The following ATRNL1 variants were observed in gnomAD, a reference collection of about 807,000 sequenced individuals.
ATRNL1 encodes attractin like 1.
ATRNL1 carries 95 observed loss-of-function variants against 182.7 expected under a neutral mutation model. That is an observed-to-expected ratio of 0.52 (90% CI 0.44 to 0.62). ATRNL1 has a LOEUF of 0.62. Among genes scored for constraint, ATRNL1 ranks in the 20% least tolerant of loss-of-function variants. The pLI is 0.00. For missense variants in ATRNL1, 1,471 were observed against 1,679.5 expected, an observed-to-expected ratio of 0.88 and a Z score of 2.17; for synonymous variants, 576 against 568.3, an observed-to-expected ratio of 1.01 and a Z score of -0.19.
At chr10:115,201,405 G>A (rs1352381880) in intron 8 of ATRNL1, among the ~76,000 whole-genome samples, 5 of 152,072 alleles carry the variant, frequency 3.3e-5, no homozygotes, top group Non-Finnish European at 7.4e-5. Context: ...ATTAATTTTT[G>A]TATAAGGTGT....
At chr10:115,275,513 C>T (rs782088474) in intron 13 of ATRNL1, among the ~76,000 whole-genome samples, 44 of 152,300 alleles carry the variant, frequency 2.9e-4, no homozygotes, top group Admixed American at 1.5e-3. Context: ...ATTCCAATTG[C>T]TGCTTTAACT....
chr10:115,606,113 T>C (rs782403546), intron 26 of ATRNL1, among the ~76,000 whole-genome samples: 1 of 152,010 alleles, frequency 6.6e-6, no homozygotes, highest in Non-Finnish European at 1.5e-5. Context: ...TAAACTGAAA[T>C]GTATTAGGGA....
intron 27 of ATRNL1, among the ~76,000 whole-genome samples, chr10:115,759,708 C>T (rs1555073048): frequency 6.6e-6 from 1 of 150,776 alleles, no homozygotes; most frequent in East Asian, 1.9e-4. Flanking sequence ...TGGAATCTCT[C>T]CCTGTCGCCC....
rs782157017 is a variant in ATRNL1 at position 115,442,303 on chromosome 10, C to CTCTCTCTCTCTCTCTCTCTCTCTGTG, written c.3322+16002_3322+16003insCTCTCTCTCTCTCTCTCTCTCTGTGT. Among the ~76,000 whole-genome samples, 743 of 123,628 alleles carry CTCTCTCTCTCTCTCTCTCTCTCTGTG rather than the reference C, an allele frequency of 6.0e-3. 21 individuals carry two copies. Among genetic ancestry groups the CTCTCTCTCTCTCTCTCTCTCTCTGTG allele is most frequent in the Non-Finnish European group, 8.7e-3 (502 of 57,840 alleles). 81.1% of individuals were successfully genotyped at this position (123,628 alleles called of 152,430 possible). On this transcript the variant is annotated intron_variant, in intron 21 of 28. Coordinates refer to ENST00000355044, the MANE Select transcript of ATRNL1 (RefSeq NM_207303.4). ...TCTCTCTCTCTCTCTCTCTCTCTCT[C>CTCTCTCTCTCTCTCTCTCTCTCTGTG]TGTGTGTATGTGTGTGTGTAAACAA...
At chr10:115,489,418 G>A (rs1565096709) in intron 24 of ATRNL1, among the ~76,000 whole-genome samples, 2 of 152,112 alleles carry the variant, frequency 1.3e-5, no homozygotes, top group Admixed American at 1.3e-4. Flanking sequence ...CCTGTATTGG[G>A]TGCATATATA....
Position 115,179,357 on chromosome 10 carries a change from T to C in ATRNL1, c.1348+8065T>C, listed in dbSNP as rs143871872. 7.1e-3 allele frequency among the ~76,000 whole-genome samples: 1,076 copies of C among 152,228 alleles called. 15 individuals carry two copies. Among genetic ancestry groups the C allele is most frequent in the African/African-American group, 0.025 (1,039 of 41,562 alleles). On this transcript the variant is annotated intron_variant, in intron 8 of 28. Coordinates refer to ENST00000355044, the MANE Select transcript of ATRNL1 (RefSeq NM_207303.4). ...TTCCACCAACTTTCTCCCTGCTGGA[T>C]AACCTTGGGTTAGTTGTGTTGCTTT...
chr10:115,803,307 G>A (rs529291065), intron 27 of ATRNL1, among the ~76,000 whole-genome samples: 1 of 151,942 alleles, frequency 6.6e-6, no homozygotes, highest in African/African-American at 2.4e-5. Flanking sequence ...TTTTTAAGTG[G>A]TTTTTTTCCT....
chr10:115,486,575 C>T (rs1389278932), intron 24 of ATRNL1, among the ~76,000 whole-genome samples: 3 of 152,044 alleles, frequency 2.0e-5, no homozygotes, highest in Non-Finnish European at 4.4e-5. Context: ...ATATCCTTTG[C>T]CCACTTTTTG....
intron 25 of ATRNL1, among the ~76,000 whole-genome samples, chr10:115,520,238 A>T (rs552074228): frequency 2.2e-4 from 34 of 152,310 alleles, no homozygotes; most frequent in African/African-American, 7.9e-4. Flanking sequence ...CTCAATCCTT[A>T]GCACAGATGA....
intron 5 of ATRNL1, among the ~76,000 whole-genome samples, chr10:115,152,146 A>G (rs1374040782): frequency 2.6e-5 from 4 of 152,120 alleles, no homozygotes; most frequent in African/African-American, 9.7e-5. Flanking sequence ...GTCAGGTAGC[A>G]TGATGCCTCC....
chr10:115,799,780 C>T (rs1794202923), intron 27 of ATRNL1, among the ~76,000 whole-genome samples: 1 of 152,288 alleles, frequency 6.6e-6, no homozygotes, highest in Admixed American at 6.5e-5. Context: ...ATTTCTGGGG[C>T]ACTACTTATT....
intron 24 of ATRNL1, among the ~76,000 whole-genome samples, chr10:115,506,750 A>T (rs1850133459): frequency 6.6e-6 from 1 of 152,070 alleles, no homozygotes. Flanking sequence ...CCCAGACCTC[A>T]GCAAATTGTC....
chr10:115,738,259 C>CT (rs201416236), intron 27 of ATRNL1, among the ~76,000 whole-genome samples: 1 of 13,298 alleles, frequency 7.5e-5, no homozygotes, highest in Non-Finnish European at 1.8e-3. Flanking sequence ...CTGCCTCAGC[C>CT]CCAGTCTGTA....
intron 26 of ATRNL1, among the ~76,000 whole-genome samples, chr10:115,594,093 G>A (rs1330678436): frequency 6.6e-6 from 1 of 151,922 alleles, no homozygotes; most frequent in African/African-American, 2.4e-5. Flanking sequence ...TGATTCAGAA[G>A]AAATAAAACT....
At chr10:115,746,426 A>T (rs889653618) in intron 27 of ATRNL1, among the ~76,000 whole-genome samples, 1 of 152,062 alleles carries the variant, frequency 6.6e-6, no homozygotes, top group African/African-American at 2.4e-5. Context: ...AAATCATTAT[A>T]CCTGAATGGG....
At chr10:115,514,268 C>G (rs1215040523) in intron 24 of ATRNL1, among the ~76,000 whole-genome samples, 1 of 151,826 alleles carries the variant, frequency 6.6e-6, no homozygotes, top group Non-Finnish European at 1.5e-5. Context: ...AGCTTATTCT[C>G]TGAAAACAAG....
At chr10:115,290,072 AG>A in intron 15 of ATRNL1, among the ~76,000 whole-genome samples, 1 of 69,448 alleles carries the variant, frequency 1.4e-5, no homozygotes, top group South Asian at 4.2e-4. Context: ...AGTGTTTTGT[AG>A]TTTTTTTTTT....
At chr10:115,137,010 T>G (rs1845543317) in intron 5 of ATRNL1, among the ~76,000 whole-genome samples, 1 of 152,200 alleles carries the variant, frequency 6.6e-6, no homozygotes, top group Admixed American at 6.5e-5. Flanking sequence ...AGAAATTGAA[T>G]TCATGTTCAT....
intron 28 of ATRNL1, among the ~76,000 whole-genome samples, chr10:115,919,036 T>C (rs1442962544): frequency 6.6e-6 from 1 of 152,152 alleles, no homozygotes; most frequent in East Asian, 1.9e-4. Context: ...AAGCCCTGAC[T>C]CAGCAATAAA....
Sources: allele counts gnomAD v4.1 joint callset (sites outside exome capture counted in the v4.1 genomes callset), GRCh38; gene constraint gnomAD v4.1.1; transcripts MANE v1.5; gene names NCBI Gene and HGNC (gene_info 2026-07-23, HGNC 2026-07-21).